TENM4: variants seen among roughly 807,000 people sequenced by gnomAD.
The protein encoded by TENM4 is teneurin transmembrane protein 4, also known as teneurin-4.
TENM4 carries 82 observed loss-of-function variants against 243.3 expected under a neutral mutation model. The ratio of observed to expected loss-of-function variants is 0.34; its 90% CI spans 0.28 to 0.40. TENM4 has a LOEUF of 0.40. Ranked by LOEUF, TENM4 falls within the 10% of genes least tolerant of loss-of-function variation. The pLI is 1.00. For synonymous variants in TENM4, 1,412 were observed against 1,456.3 expected (o/e 0.97, Z 0.69); for missense variants, 3,138 against 3,673.3 (o/e 0.85, Z 3.77).
intron 13 of TENM4, among the ~76,000 whole-genome samples, chr11:78,812,991 G>A (rs1857530899): frequency 6.6e-6 from 1 of 152,156 alleles, no homozygotes. Flanking sequence ...GATCCAATAA[G>A]GCTTTTTTAC....
At chr11:79,127,778 A>C (rs1861912947) in intron 4 of TENM4, among the ~76,000 whole-genome samples, 1 of 152,234 alleles carries the variant, frequency 6.6e-6, no homozygotes, top group Non-Finnish European at 1.5e-5. Flanking sequence ...TGCATGCCAG[A>C]GAATGGGAAA....
At chr11:78,862,434 ATTG>A (rs1858846080) in intron 10 of TENM4, among the ~76,000 whole-genome samples, 1 of 152,230 alleles carries the variant, frequency 6.6e-6, no homozygotes. Context: ...ACTAATGATT[ATTG>A]TTATTATTGC....
At chr11:78,906,939 G>T (rs1274710431) in intron 6 of TENM4, among the ~76,000 whole-genome samples, 1 of 152,222 alleles carries the variant, frequency 6.6e-6, no homozygotes, top group Non-Finnish European at 1.5e-5. Flanking sequence ...TGAGGTTCAT[G>T]TGGGGCAATT....
chr11:79,161,284 A>G (rs1338010492), intron 3 of TENM4, among the ~76,000 whole-genome samples: 1 of 152,154 alleles, frequency 6.6e-6, no homozygotes, highest in Non-Finnish European at 1.5e-5. Context: ...AACTTCCCTT[A>G]TGGGAACACT....
intron 33 of TENM4, among the ~76,000 whole-genome samples, chr11:78,659,255 AC>A (rs1228302517): frequency 1.3e-5 from 2 of 152,110 alleles, no homozygotes; most frequent in Non-Finnish European, 2.9e-5. Flanking sequence ...AATAATTACC[AC>A]TCATTATCTC....
rs1474353661 is a variant in TENM4, at chr11:79,069,970, T to A, written c.-26A>T. ...GGCCTCCGGCCCGCGCTCCTCCACA[T>A]CCACAAACAGGGTCCTCGCCGCACT... On this transcript the variant is annotated 5_prime_UTR_variant, in exon 5 of 34. The change abolishes an upstream ATG in the 5' untranslated region. Coordinates refer to ENST00000278550, the MANE Select transcript of TENM4 (RefSeq NM_001098816.3). 6.5e-7 allele frequency: 1 copy of A among 1,540,824 alleles called. No homozygotes were observed. Among genetic ancestry groups the A allele is most frequent in the African/African-American group, 1.4e-5 (1 of 72,774 alleles).
At chr11:79,359,908 T>C (rs1258636102) in intron 1 of TENM4, among the ~76,000 whole-genome samples, 2 of 152,174 alleles carry the variant, frequency 1.3e-5, no homozygotes, top group South Asian at 2.1e-4. Context: ...CAATCGTTCA[T>C]GGGCCGGATG....
chr11:79,027,205 G>C (rs1859102929), intron 6 of TENM4, among the ~76,000 whole-genome samples: 1 of 152,174 alleles, frequency 6.6e-6, no homozygotes, highest in African/African-American at 2.4e-5. Context: ...TCTAACAGTA[G>C]GTTTGTGGTT....
intron 1 of TENM4, among the ~76,000 whole-genome samples, chr11:79,406,539 C>T (rs1405079714): frequency 2.6e-5 from 4 of 152,158 alleles, no homozygotes; most frequent in Non-Finnish European, 5.9e-5. Context: ...GGAAGTGAAA[C>T]AAGACTTTCT....
At chr11:79,227,808 C>T (rs893813694) in intron 2 of TENM4, among the ~76,000 whole-genome samples, 1 of 152,178 alleles carries the variant, frequency 6.6e-6, no homozygotes, top group African/African-American at 2.4e-5. Flanking sequence ...GTTTGAGGCA[C>T]TGCAGGAAAG....
intron 19 of TENM4, among the ~76,000 whole-genome samples, chr11:78,749,559 G>A (rs150322862): frequency 9.4e-4 from 143 of 152,182 alleles, no homozygotes; most frequent in Non-Finnish European, 1.5e-3. Flanking sequence ...GGAGGTGTGG[G>A]GTGGGGAGCA....
chr11:78,665,157 T>C (rs1019909525), intron 32 of TENM4, among the ~76,000 whole-genome samples: 6 of 152,010 alleles, frequency 3.9e-5, no homozygotes, highest in African/African-American at 1.4e-4. Flanking sequence ...CTTTCTTTTC[T>C]TTTCTTTCTT....
At chr11:79,362,001 G>C (rs1039849423) in intron 1 of TENM4, among the ~76,000 whole-genome samples, 1 of 152,188 alleles carries the variant, frequency 6.6e-6, no homozygotes. Flanking sequence ...TTTGTGACAA[G>C]TATCAGATGT....
At chr11:78,667,744 T>C (rs1463457618) in intron 32 of TENM4, among the ~76,000 whole-genome samples, 1 of 152,142 alleles carries the variant, frequency 6.6e-6, no homozygotes, top group Non-Finnish European at 1.5e-5. Context: ...GAAGCACTTG[T>C]AGAATGAAGG....
At chr11:79,419,256 C>T (rs1418095892) in intron 1 of TENM4, among the ~76,000 whole-genome samples, 2 of 152,212 alleles carry the variant, frequency 1.3e-5, no homozygotes, top group Admixed American at 6.5e-5. Context: ...GAACTGAGGG[C>T]ACCTCCCTCT....
chr11:78,661,497 G>A lies in TENM4; in HGVS notation c.7503C>T (p.Tyr2501=), dbSNP rs376868021. ...KPDMDAMEPS[Y]ELIHTQMKTQ... ...TTTTCATCTGTGTGTGGATGAGCTC[G>A]TAGGAGGGTTCCATGGCATCCATGT... The change falls in exon 33 of 34, where the codon TAC becomes TAT. Residue 2501 remains tyrosine (Y), a synonymous_variant. Coordinates refer to ENST00000278550, the MANE Select transcript of TENM4 (RefSeq NM_001098816.3). The A allele has an allele frequency of 7.6e-5, 123 of 1,611,782 alleles. No individual in the cohort carries two copies. The highest frequency in any genetic ancestry group is 2.0e-4 in the African/African-American group (15 of 74,902).
intron 1 of TENM4, among the ~76,000 whole-genome samples, chr11:79,350,609 T>C (rs1857398416): frequency 6.7e-6 from 1 of 149,856 alleles, no homozygotes; most frequent in Non-Finnish European, 1.5e-5. Flanking sequence ...TTTTCTTTTT[T>C]TTTTTCCTTG....
intron 3 of TENM4, among the ~76,000 whole-genome samples, chr11:79,164,907 T>G (rs1862876420): frequency 1.3e-5 from 2 of 151,686 alleles, no homozygotes; most frequent in Admixed American, 6.6e-5. Context: ...GTTCCCAGTC[T>G]TGGGTATGAC....
In TENM4 at chr11:78,676,365, G is replaced by T. The variant is rs751261787; in HGVS notation, c.5283C>A (p.Tyr1761Ter). Residue 1761 changes from tyrosine to a stop codon, truncating the protein, a stop_gained, in exon 30 of 34, where the codon TAC (tyrosine) becomes TAA (stop). Coordinates refer to ENST00000278550, the MANE Select transcript of TENM4 (RefSeq NM_001098816.3). LOFTEE classifies it high-confidence loss of function. ...LLQDQVRNSY[Y>*]IGADGSLRLL... ...GCCGCAAGGAGCCATCGGCCCCGATGTAGTAGCTGTTCCGGACTTGGTCTG... is the reference window on the plus strand; with the variant it reads ...GCCGCAAGGAGCCATCGGCCCCGATTTAGTAGCTGTTCCGGACTTGGTCTG... 6.2e-7 allele frequency: 1 copy of T among 1,602,968 alleles called. No individual in the cohort carries two copies.
Sources: gnomAD v4.1 joint callset for allele counts (sites outside exome capture counted in the v4.1 genomes callset) on GRCh38, gnomAD v4.1.1 for gene constraint, MANE v1.5 for transcripts, NCBI Gene and HGNC (gene_info 2026-07-23, HGNC 2026-07-21) for gene names.